Variants in DIP2C observed in about 807,000 individuals in gnomAD.
The protein encoded by DIP2C is disco-interacting protein 2 homolog C.
In DIP2C, 33 loss-of-function variants were observed where a neutral mutation model predicts 192.4. The ratio of observed to expected loss-of-function variants is 0.17; its 90% confidence interval spans 0.13 to 0.23. DIP2C has a LOEUF of 0.23. Ranked by LOEUF, DIP2C falls within the 10% of genes least tolerant of loss-of-function variation. The pLI is 1.00. For missense variants in DIP2C, 1,537 were observed against 2,110.1 expected (o/e 0.73, Z 5.32); for synonymous variants, 979 against 864.1 (o/e 1.13, Z -2.33).
intron 1 of DIP2C, among the ~76,000 whole-genome samples, chr10:493,751 G>A (rs11818952): frequency 7.7e-4 from 118 of 152,334 alleles, no homozygotes; most frequent in Middle Eastern, 3.4e-3. Context: ...CACCTACAAA[G>A]TCGGGGTCTT....
At chr10:386,232 G>A (rs961867580) in intron 14 of DIP2C, among the ~76,000 whole-genome samples, 1 of 152,222 alleles carries the variant, frequency 6.6e-6, no homozygotes, top group Non-Finnish European at 1.5e-5. Context: ...ACGTGTAGGT[G>A]GAGTGAGTGC....
chr10:386,037 G>C (rs1055737291), intron 14 of DIP2C, among the ~76,000 whole-genome samples: 2 of 152,204 alleles, frequency 1.3e-5, no homozygotes, highest in Non-Finnish European at 2.9e-5. Flanking sequence ...GCACGGAGCA[G>C]GCAGGCTGGC....
intron 1 of DIP2C, among the ~76,000 whole-genome samples, chr10:577,829 T>C (rs1850268359): frequency 6.6e-6 from 1 of 151,828 alleles, no homozygotes; most frequent in South Asian, 2.1e-4. Flanking sequence ...TTGTGTTTTT[T>C]TTTTTTTAAC....
chr10:593,294 A>T (rs752498411), intron 1 of DIP2C, among the ~76,000 whole-genome samples: 2 of 152,132 alleles, frequency 1.3e-5, no homozygotes, highest in Non-Finnish European at 2.9e-5. Flanking sequence ...CAGAGCCTGC[A>T]AACACCCACG....
intron 31 of DIP2C, among the ~76,000 whole-genome samples, chr10:324,142 T>C (rs1178336964): frequency 6.6e-6 from 1 of 152,208 alleles, no homozygotes; most frequent in Non-Finnish European, 1.5e-5. Context: ...TCGCTTTTAC[T>C]AAAATGAGTC....
intron 5 of DIP2C, 106 bp downstream of exon 5, chr10:422,718 T>C: frequency 2.9e-6 from 4 of 1,368,476 alleles, no homozygotes; most frequent in Non-Finnish European, 4.0e-6. Flanking sequence ...AGGAGCTCTG[T>C]GCTCTTTCCA....
At position 274,872 on chromosome 10, in the gene DIP2C, T is replaced by C. The variant is rs1954431160; in HGVS notation, c.*2453A>G. 1 of 152,212 alleles carries C rather than the reference T, an allele frequency of 6.6e-6. No individual in the cohort carries two copies. The highest frequency in any genetic ancestry group is 2.4e-5 in the African/African-American group (1 of 41,440). 9.4% of individuals were successfully genotyped at this position (152,212 alleles called of 1,614,324 possible). On this transcript the variant is annotated 3_prime_UTR_variant, in exon 37 of 37. Transcript: ENST00000280886. ...CACAAGACAAACATTTTTTACAATC[T>C]CATGAATGATTTATCTACAGTACAA...
chr10:467,565 T>A (rs1304385931), intron 3 of DIP2C, among the ~76,000 whole-genome samples: 4 of 130,406 alleles, frequency 3.1e-5, no homozygotes, highest in Admixed American at 7.7e-5. Flanking sequence ...TATTTAAGTG[T>A]AAAAAAAAAA....
chr10:476,997 A>G (rs897846886), intron 2 of DIP2C, among the ~76,000 whole-genome samples: 1 of 119,146 alleles, frequency 8.4e-6, no homozygotes, highest in Non-Finnish European at 1.7e-5. Context: ...GCTCCCACAG[A>G]GGGCTGGAAC....
intron 1 of DIP2C, among the ~76,000 whole-genome samples, chr10:673,873 C>T (rs1375681953): frequency 6.6e-6 from 1 of 152,198 alleles, no homozygotes; most frequent in Non-Finnish European, 1.5e-5. Context: ...TGAAAGGAAA[C>T]TTTTAAGATA....
intron 1 of DIP2C, among the ~76,000 whole-genome samples, chr10:585,255 T>TG (rs1452816602): frequency 6.6e-6 from 1 of 152,196 alleles, no homozygotes; most frequent in Admixed American, 6.5e-5. Context: ...CACGCCACCC[T>TG]GTTTTTCTCT....
chr10:684,992 G>A (rs1385721879), intron 1 of DIP2C, among the ~76,000 whole-genome samples: 2 of 151,414 alleles, frequency 1.3e-5, no homozygotes, highest in Non-Finnish European at 2.9e-5. Context: ...AAATTAGCCG[G>A]GTGTGGTGGC....
chr10:624,205 C>G (rs184806465), intron 1 of DIP2C, among the ~76,000 whole-genome samples: 1 of 152,156 alleles, frequency 6.6e-6, no homozygotes, highest in Non-Finnish European at 1.5e-5. Flanking sequence ...GGGTCCCAAG[C>G]GGGGAAGGCC....
intron 10 of DIP2C, among the ~76,000 whole-genome samples, chr10:398,060 T>C (rs1164531614): frequency 6.6e-6 from 1 of 152,246 alleles, no homozygotes; most frequent in East Asian, 1.9e-4. Context: ...CGAAGTATTT[T>C]ACCTCAAAAT....
intron 32 of DIP2C, among the ~76,000 whole-genome samples, chr10:308,018 C>T (rs1377182428): frequency 6.9e-6 from 1 of 145,496 alleles, no homozygotes; most frequent in African/African-American, 2.6e-5. Flanking sequence ...GCACATGGTC[C>T]ATCTGGAGGG....
chr10:333,819 T>C (rs1251462339), intron 29 of DIP2C, among the ~76,000 whole-genome samples: 1 of 152,218 alleles, frequency 6.6e-6, no homozygotes, highest in African/African-American at 2.4e-5. Context: ...TCCAACTTTA[T>C]TTCCTGTGTT....
chr10:657,820 G>A (rs1856474829), intron 1 of DIP2C, among the ~76,000 whole-genome samples: 1 of 150,112 alleles, frequency 6.7e-6, no homozygotes, highest in Non-Finnish European at 1.5e-5. Flanking sequence ...CCTGCCGCTG[G>A]ACTTGACCCT....
Position 584,014 on chromosome 10 carries a change from A to C in DIP2C, c.86-97484T>G, listed in dbSNP as rs541199314. ...TGGGTGGGTCCGTCTTTGTGACCTC[A>C]CTGACCTCTGTCCCTTGGTGTCTGT... On this transcript the variant is annotated intron_variant, in intron 1 of 36. Transcript: ENST00000280886. 6.6e-4 allele frequency among the ~76,000 whole-genome samples: 100 copies of C among 152,212 alleles called. 1 individual carries two copies. The highest frequency in any genetic ancestry group is 2.3e-3 in the African/African-American group (96 of 41,514).
intron 3 of DIP2C, among the ~76,000 whole-genome samples, chr10:448,785 A>G: frequency 6.9e-6 from 1 of 144,644 alleles, no homozygotes; most frequent in South Asian, 2.2e-4. Flanking sequence ...GATACTCAGG[A>G]TCACACACAG....
Sources: gnomAD v4.1 joint callset for allele counts (sites outside exome capture counted in the v4.1 genomes callset) on GRCh38, gnomAD v4.1.1 for gene constraint, MANE v1.5 for transcripts, NCBI Gene and HGNC (gene_info 2026-07-23, HGNC 2026-07-21) for gene names.